RPS6KC1: variants seen among roughly 807,000 people sequenced by gnomAD.
RPS6KC1 encodes the protein inactive ribosomal protein S6 kinase delta-1.
RPS6KC1 carries 54 observed loss-of-function variants against 103.8 expected under a neutral mutation model. That is an observed-to-expected ratio of 0.52 (90% confidence interval 0.42 to 0.65). The LOEUF is 0.65. Ranked by LOEUF, RPS6KC1 falls within the 30% of genes least tolerant of loss-of-function variation. The probability of loss-of-function intolerance (pLI) is 0.00; values close to 1 mark genes in which losing one functional copy is unlikely to be tolerated. For missense variants in RPS6KC1, 1,151 were observed against 1,253.8 expected, an observed-to-expected ratio of 0.92 and a Z score of 1.24; for synonymous variants, 439 against 438.7, an observed-to-expected ratio of 1.00 and a Z score of -0.01.
At chr1:213,535,956 G>A in the RPS6KC1 span, among the ~76,000 whole-genome samples, 3 of 152,234 alleles carry the variant, frequency 2.0e-5, no homozygotes, top group Non-Finnish European at 2.9e-5. Context: ...TTTACTAAGC[G>A]AGAACAAAGC....
the RPS6KC1 span, among the ~76,000 whole-genome samples, chr1:213,828,651 G>A: frequency 6.6e-6 from 1 of 152,102 alleles, no homozygotes; most frequent in Non-Finnish European, 1.5e-5. Context: ...TGGACTTTTA[G>A]AACTGAAAAA....
At chr1:213,194,528 G>T (rs778598569) in intron 8 of RPS6KC1, among the ~76,000 whole-genome samples, 2 of 152,084 alleles carry the variant, frequency 1.3e-5, no homozygotes, top group African/African-American at 2.4e-5. Context: ...TAACCCAGGG[G>T]TCCCCCATCC....
intron 8 of RPS6KC1, among the ~76,000 whole-genome samples, chr1:213,212,623 T>C (rs1219704001): frequency 6.6e-6 from 1 of 152,228 alleles, no homozygotes; most frequent in Non-Finnish European, 1.5e-5. Context: ...GGTTCATTTA[T>C]GGTGAGAGTA....
chr1:213,497,889 T>TA, the RPS6KC1 span, among the ~76,000 whole-genome samples: 1 of 151,984 alleles, frequency 6.6e-6, no homozygotes. Context: ...AGAAAAAATT[T>TA]AAAAAATTTA....
chr1:213,657,357 AG>A, the RPS6KC1 span, among the ~76,000 whole-genome samples: 1 of 152,194 alleles, frequency 6.6e-6, no homozygotes. Context: ...TAAGGAACAT[AG>A]GGGTCATTGA....
the RPS6KC1 span, among the ~76,000 whole-genome samples, chr1:213,660,913 C>A: frequency 2.0e-5 from 3 of 152,202 alleles, no homozygotes; most frequent in Non-Finnish European, 2.9e-5. Context: ...TTGAGTCCTG[C>A]AGCTAGATTT....
chr1:213,764,112 G>C, the RPS6KC1 span, among the ~76,000 whole-genome samples: 1 of 152,106 alleles, frequency 6.6e-6, no homozygotes, highest in Non-Finnish European at 1.5e-5. Flanking sequence ...AATATTTGTC[G>C]ACTGGAAATA....
intron 8 of RPS6KC1, among the ~76,000 whole-genome samples, chr1:213,198,362 T>G (rs912889136): frequency 1.3e-5 from 2 of 152,210 alleles, no homozygotes; most frequent in Admixed American, 1.3e-4. Flanking sequence ...TACTTGATGC[T>G]TTTGCCTCAC....
chr1:213,593,097 G>T, the RPS6KC1 span, among the ~76,000 whole-genome samples: 7 of 152,116 alleles, frequency 4.6e-5, no homozygotes, highest in African/African-American at 1.7e-4. Context: ...GTTGAGGTGG[G>T]CAGGGACTCG....
At chr1:213,055,874 C>T (rs906020943) in intron 1 of RPS6KC1, among the ~76,000 whole-genome samples, 1 of 152,156 alleles carries the variant, frequency 6.6e-6, no homozygotes, top group Non-Finnish European at 1.5e-5. Context: ...TTGTAATTCT[C>T]AGGATACAGT....
At chr1:213,266,062 T>C (rs1409948500) in intron 14 of RPS6KC1, among the ~76,000 whole-genome samples, 1 of 152,240 alleles carries the variant, frequency 6.6e-6, no homozygotes, top group African/African-American at 2.4e-5. Context: ...GTACCTGGCA[T>C]GTGATAAGTG....
At chr1:213,092,812 C>T (rs781209615) in intron 3 of RPS6KC1, among the ~76,000 whole-genome samples, 1 of 152,062 alleles carries the variant, frequency 6.6e-6, no homozygotes, top group Non-Finnish European at 1.5e-5. Context: ...TACCTATACA[C>T]ATTTGTATAG....
chr1:213,714,180 A>C, the RPS6KC1 span, among the ~76,000 whole-genome samples: 1 of 152,228 alleles, frequency 6.6e-6, no homozygotes, highest in African/African-American at 2.4e-5. Context: ...AAAAATAGAT[A>C]TTGTAGTTGT....
the RPS6KC1 span, among the ~76,000 whole-genome samples, chr1:213,806,481 T>C: frequency 6.6e-6 from 1 of 152,166 alleles, no homozygotes; most frequent in South Asian, 2.1e-4. Context: ...GGTGCATATA[T>C]ATTTAGGATA....
chr1:213,735,139 G>A, the RPS6KC1 span, among the ~76,000 whole-genome samples: 1 of 152,158 alleles, frequency 6.6e-6, no homozygotes, highest in East Asian at 1.9e-4. Context: ...TAGCCAGGAT[G>A]GTCTTGAGAA....
chr1:213,828,600 A>T, the RPS6KC1 span, among the ~76,000 whole-genome samples: 1 of 152,174 alleles, frequency 6.6e-6, no homozygotes, highest in Non-Finnish European at 1.5e-5. Context: ...TCAGTTGTAT[A>T]ATCCTTTCCT....
the RPS6KC1 span, among the ~76,000 whole-genome samples, chr1:213,407,052 G>C: frequency 0.036 from 5,522 of 152,130 alleles, 364 homozygotes; most frequent in African/African-American, 0.13. Flanking sequence ...TGGGAGAAAG[G>C]AGCCTGGGCC....
At chr1:213,438,913 C>G in the RPS6KC1 span, among the ~76,000 whole-genome samples, 3 of 151,830 alleles carry the variant, frequency 2.0e-5, no homozygotes, top group African/African-American at 7.3e-5. Context: ...CCTGCCTCAG[C>G]CTCCCGAGTA....
chr1:213,859,397 C>G, the RPS6KC1 span, among the ~76,000 whole-genome samples: 1 of 152,152 alleles, frequency 6.6e-6, no homozygotes, highest in Non-Finnish European at 1.5e-5. Flanking sequence ...GCATCTGTAT[C>G]ATTTTTCAAA....
Sources: allele counts gnomAD v4.1 joint callset (sites outside exome capture counted in the v4.1 genomes callset), GRCh38; gene constraint gnomAD v4.1.1; transcripts MANE v1.5; gene names NCBI Gene and HGNC (gene_info 2026-07-23, HGNC 2026-07-21).